MRTFB: variants seen among roughly 807,000 people sequenced by gnomAD.
MRTFB encodes myocardin-related transcription factor B.
MRTFB carries 29 observed loss-of-function variants against 104.2 expected under a neutral mutation model. The ratio of observed to expected loss-of-function variants is 0.28; its 90% CI spans 0.21 to 0.38. MRTFB has a LOEUF of 0.38. Among genes scored for constraint, MRTFB ranks in the 10% least tolerant of loss-of-function variants. The pLI, the probability that MRTFB is intolerant of heterozygous loss-of-function variation, is 1.00. For synonymous variants in MRTFB, 535 were observed against 519.5 expected (o/e 1.03, Z -0.41); for missense variants, 1,270 against 1,341.6 (o/e 0.95, Z 0.83).
intron 2 of MRTFB, among the ~76,000 whole-genome samples, chr16:14,081,889 A>G (rs927561219): frequency 1.4e-4 from 21 of 152,216 alleles, no homozygotes; most frequent in East Asian, 1.2e-3. Flanking sequence ...CCATTTTTTA[A>G]TTGGATTTTT....
chr16:14,256,417 G>T (rs538888432), intron 15 of MRTFB, among the ~76,000 whole-genome samples: 1 of 152,130 alleles, frequency 6.6e-6, no homozygotes, highest in Admixed American at 6.5e-5. Flanking sequence ...TGGATTTAGC[G>T]ACTCACTTCT....
At chr16:14,235,954 G>T in intron 9 of MRTFB, among the ~76,000 whole-genome samples, 1 of 152,222 alleles carries the variant, frequency 6.6e-6, no homozygotes, top group East Asian at 1.9e-4. Context: ...GCCAAGGCAG[G>T]CAGATTGCTT....
the MRTFB span, among the ~76,000 whole-genome samples, chr16:14,053,526 T>G: frequency 6.6e-6 from 1 of 150,976 alleles, no homozygotes; most frequent in African/African-American, 2.4e-5. Flanking sequence ...AGGTCAGGAG[T>G]TCGAGACCAG....
chr16:14,135,171 T>C (rs918652018), intron 2 of MRTFB, among the ~76,000 whole-genome samples: 1 of 152,202 alleles, frequency 6.6e-6, no homozygotes, highest in Admixed American at 6.5e-5. Flanking sequence ...TCACTACTTA[T>C]ACCTGCCTTG....
rs1355106281 is a variant in MRTFB at position 14,264,599 on chromosome 16, G to T, written c.*3155G>T. The T allele has an allele frequency of 6.6e-6, 1 of 152,102 alleles. No homozygotes were observed. Among genetic ancestry groups the T allele is most frequent in the African/African-American group, 2.4e-5 (1 of 41,410 alleles). 9.4% of individuals were successfully genotyped at this position (152,102 alleles called of 1,614,324 possible). A position where few individuals can be genotyped will look rare whatever the true frequency, so the allele number is the denominator to read the frequency against. ...GTGTTTGTTTCATATGAATATTTTT[G>T]TAATTCTAAAAGAGATCTTATTTAA... On this transcript the variant is annotated 3_prime_UTR_variant, in exon 17 of 17. Transcript: ENST00000571589.
intron 2 of MRTFB, among the ~76,000 whole-genome samples, chr16:14,084,094 A>G (rs189029756): frequency 9.2e-5 from 14 of 152,288 alleles, no homozygotes. Context: ...AAGTATGTTG[A>G]GTTCTTTGTT....
At chr16:14,102,292 C>A (rs981235010) in intron 2 of MRTFB, among the ~76,000 whole-genome samples, 1 of 152,096 alleles carries the variant, frequency 6.6e-6, no homozygotes, top group African/African-American at 2.4e-5. Context: ...AGTGCAAGAA[C>A]CAGAATCCAG....
the MRTFB span, chr16:14,013,536 T>C: frequency 6.6e-6 from 1 of 152,172 alleles, no homozygotes; most frequent in Non-Finnish European, 1.5e-5. Context: ...AAAACAGGCA[T>C]CTTCATTTGC....
intron 2 of MRTFB, among the ~76,000 whole-genome samples, chr16:14,100,390 G>C (rs1437802342): frequency 6.6e-6 from 1 of 152,154 alleles, no homozygotes; most frequent in Non-Finnish European, 1.5e-5. Context: ...TTCGTTAATA[G>C]GGTGAATTGT....
the MRTFB span, among the ~76,000 whole-genome samples, chr16:14,023,354 A>G: frequency 6.6e-6 from 1 of 151,966 alleles, no homozygotes; most frequent in Non-Finnish European, 1.5e-5. Context: ...CTGAGGTGGG[A>G]GAATCATTTG....
chr16:13,995,557 G>C, the MRTFB span, among the ~76,000 whole-genome samples: 9 of 152,212 alleles, frequency 5.9e-5, no homozygotes, highest in Non-Finnish European at 1.0e-4. Context: ...GTATATTGAA[G>C]TGTATCAGTC....
the MRTFB span, among the ~76,000 whole-genome samples, chr16:14,004,062 A>C: frequency 6.7e-6 from 1 of 149,200 alleles, no homozygotes; most frequent in Non-Finnish European, 1.5e-5. Context: ...TTGGCAGCAG[A>C]ATGGAGGACT....
intron 3 of MRTFB, among the ~76,000 whole-genome samples, chr16:14,209,700 TATC>T (rs1375640320): frequency 6.6e-6 from 1 of 152,212 alleles, no homozygotes; most frequent in Non-Finnish European, 1.5e-5. Flanking sequence ...AGATACATGG[TATC>T]ATGTTTGTGC....
At chr16:14,093,387 CT>C (rs1465353683) in intron 2 of MRTFB, among the ~76,000 whole-genome samples, 2 of 151,792 alleles carry the variant, frequency 1.3e-5, no homozygotes, top group Non-Finnish European at 2.9e-5. Context: ...GCCTAGATTC[CT>C]TTTTTTAAAT....
chr16:14,083,581 A>T (rs945054866), intron 2 of MRTFB, among the ~76,000 whole-genome samples: 2 of 152,180 alleles, frequency 1.3e-5, no homozygotes, highest in African/African-American at 4.8e-5. Context: ...TCCTATGCTT[A>T]CTTCCCTCTG....
intron 2 of MRTFB, among the ~76,000 whole-genome samples, chr16:14,133,545 A>G (rs530371886): frequency 1.3e-5 from 2 of 152,312 alleles, no homozygotes; most frequent in Admixed American, 1.3e-4. Context: ...ACTGGAAAAC[A>G]AAGTCTTCCC....
intron 3 of MRTFB, among the ~76,000 whole-genome samples, chr16:14,209,263 A>G (rs1161599036): frequency 6.6e-6 from 1 of 152,174 alleles, no homozygotes; most frequent in Non-Finnish European, 1.5e-5. Flanking sequence ...TTCTCTTCCC[A>G]CCATTTAAGT....
intron 8 of MRTFB, among the ~76,000 whole-genome samples, chr16:14,220,407 A>G (rs2041637956): frequency 6.6e-6 from 1 of 152,240 alleles, no homozygotes. Flanking sequence ...AATGTGTCAC[A>G]ACAGCCATCA....
At chr16:14,187,821 A>G (rs1218630558) in intron 3 of MRTFB, among the ~76,000 whole-genome samples, 1 of 152,208 alleles carries the variant, frequency 6.6e-6, no homozygotes, top group East Asian at 1.9e-4. Context: ...TTGAGACATG[A>G]GGGTCACTCT....
Sources: gnomAD v4.1 joint callset for allele counts (sites outside exome capture counted in the v4.1 genomes callset) on GRCh38, gnomAD v4.1.1 for gene constraint, MANE v1.5 for transcripts, NCBI Gene and HGNC (gene_info 2026-07-23, HGNC 2026-07-21) for gene names.